Variants in XYLT1 observed in about 807,000 individuals in gnomAD.
XYLT1 encodes the protein xylosyltransferase 1, also known as beta-D-xylosyltransferase 1.
Under a neutral mutation model 91.3 loss-of-function variants are expected in XYLT1, and 36 were observed. The observed-to-expected ratio is 0.39, with a 90% confidence interval of 0.30 to 0.52. The LOEUF is 0.52. Ranked by LOEUF, XYLT1 falls within the 20% of genes least tolerant of loss-of-function variation. The probability of loss-of-function intolerance (pLI) is 0.68; values close to 1 mark genes in which losing one functional copy is unlikely to be tolerated. For synonymous variants in XYLT1, 588 were observed against 532.0 expected, an observed-to-expected ratio of 1.11 and a Z score of -1.45; for missense variants, 1,242 against 1,284.5, an observed-to-expected ratio of 0.97 and a Z score of 0.51.
At chr16:17,339,769 CA>C (rs1428088440) in intron 2 of XYLT1, among the ~76,000 whole-genome samples, 1 of 152,156 alleles carries the variant, frequency 6.6e-6, no homozygotes, top group Non-Finnish European at 1.5e-5. Flanking sequence ...GGTTAGTATA[CA>C]ATAGGAATTT....
chr16:17,133,899 G>GATGACATTATGGTGAATGTTTT (rs1229683857), intron 9 of XYLT1, among the ~76,000 whole-genome samples: 2 of 152,172 alleles, frequency 1.3e-5, no homozygotes, highest in Non-Finnish European at 2.9e-5. Context: ...TTTTAGGTGT[G>GATGACATTATGGTGAATGTTTT]ATGACATTAT....
rs779582063 is a variant in XYLT1, at chr16:17,141,374, G to A, written c.1371-5C>T. 1.5e-5 allele frequency: 24 copies of A among 1,613,276 alleles called. No homozygotes were observed. The Admixed American group carries it at 3.8e-4, about 26-fold the overall frequency. On this transcript the variant is annotated splice_region_variant and splice_polypyrimidine_tract_variant and intron_variant, in intron 6 of 11. Coordinates refer to ENST00000261381, the MANE Select transcript of XYLT1 (RefSeq NM_022166.4). ...AGGCCCTGCTTCCGAATGAACCTGG[G>A]AGGGAGAAAGCTGCCCTTAGCCCAG...
intron 1 of XYLT1, among the ~76,000 whole-genome samples, chr16:17,382,795 C>T (rs925218749): frequency 5.3e-5 from 8 of 151,896 alleles, no homozygotes; most frequent in African/African-American, 1.9e-4. Flanking sequence ...CTATCCCAGA[C>T]GTCTCGTGCA....
At chr16:17,382,795 C>A (rs925218749) in intron 1 of XYLT1, among the ~76,000 whole-genome samples, 1 of 151,896 alleles carries the variant, frequency 6.6e-6, no homozygotes, top group Admixed American at 6.6e-5. Context: ...CTATCCCAGA[C>A]GTCTCGTGCA....
chr16:17,357,200 C>A (rs933828220), intron 2 of XYLT1, among the ~76,000 whole-genome samples: 32 of 66,288 alleles, frequency 4.8e-4, no homozygotes, highest in Non-Finnish European at 5.8e-4. Context: ...AAAAAAAAAA[C>A]GCTACCACTC....
At chr16:17,470,060 CG>C (rs1298403115) in intron 1 of XYLT1, among the ~76,000 whole-genome samples, 6 of 152,042 alleles carry the variant, frequency 3.9e-5, no homozygotes, top group Non-Finnish European at 8.8e-5. Context: ...GCTGAGGATC[CG>C]GGGAGATCCA....
intron 1 of XYLT1, among the ~76,000 whole-genome samples, chr16:17,372,092 G>C (rs1330563704): frequency 2.6e-5 from 4 of 152,192 alleles, no homozygotes; most frequent in African/African-American, 9.6e-5. Flanking sequence ...TCCACTAAGA[G>C]TTTTACTTCT....
At chr16:17,419,900 C>T (rs917309132) in intron 1 of XYLT1, among the ~76,000 whole-genome samples, 2 of 152,140 alleles carry the variant, frequency 1.3e-5, no homozygotes, top group African/African-American at 4.8e-5. Flanking sequence ...ACCACTGGGT[C>T]ACTCATAGCA....
At chr16:17,191,741 C>T (rs1167104928) in intron 5 of XYLT1, among the ~76,000 whole-genome samples, 1 of 152,220 alleles carries the variant, frequency 6.6e-6, no homozygotes, top group Non-Finnish European at 1.5e-5. Flanking sequence ...CATGGAGCAG[C>T]TCTCTCATGT....
At chr16:17,167,998 C>T (rs904581030) in intron 5 of XYLT1, among the ~76,000 whole-genome samples, 1 of 152,210 alleles carries the variant, frequency 6.6e-6, no homozygotes, top group African/African-American at 2.4e-5. Flanking sequence ...TCTTCTCACC[C>T]ACTGGAAAAA....
In XYLT1 at chr16:17,470,584, G is replaced by C. The variant is rs999574381; in HGVS notation, c.213C>G (p.Pro71=). 2 of 1,191,966 alleles carry C rather than the reference G, an allele frequency of 1.7e-6. No individual in the cohort carries two copies. Among genetic ancestry groups the C allele is most frequent in the South Asian group, 8.3e-5 (2 of 24,010 alleles). 73.8% of individuals were successfully genotyped at this position (1,191,966 alleles called of 1,614,324 possible). The change falls in exon 1 of 12, where the codon CCC becomes CCG. Residue 71 remains proline (P), a synonymous_variant. Transcript: ENST00000261381. The part of the protein sequence containing the change: ...PAPRRERRDL[P]AEPAAARGGG... Reference sequence around the variant, plus strand: ...CTCCTCGGGCTGCAGCCGGCTCGGCGGGCAGGTCCCGGCGCTCCCGGCGCG... The same window carrying C: ...CTCCTCGGGCTGCAGCCGGCTCGGCCGGCAGGTCCCGGCGCTCCCGGCGCG...
intron 3 of XYLT1, among the ~76,000 whole-genome samples, chr16:17,203,817 C>A (rs1302820767): frequency 1.3e-5 from 2 of 152,258 alleles, no homozygotes; most frequent in Non-Finnish European, 2.9e-5. Flanking sequence ...CAAACACCAT[C>A]CATCCACTTA....
rs1386470837 is a variant in XYLT1 at position 17,200,552 on chromosome 16, G to A, written c.1016C>T (p.Ser339Phe). ...CTTGAACATGCGCTGCAACTGCCGAGAGGCACGGCCGTGGACCACCAGGAC... is the reference window on the plus strand; with the variant it reads ...CTTGAACATGCGCTGCAACTGCCGAAAGGCACGGCCGTGGACCACCAGGAC... ...AFVLVVHGRA[S>F]RQLQRMFKAI... Residue 339 changes from serine to phenylalanine, a missense_variant, in exon 4 of 12, where the codon TCT (serine) becomes TTT (phenylalanine). This residue lies in a region of XYLT1 where 294 missense variants were observed against 376.0 expected (regional missense o/e 0.78). Coordinates refer to ENST00000261381, the MANE Select transcript of XYLT1 (RefSeq NM_022166.4). The A allele has an allele frequency of 3.1e-6, 5 of 1,614,110 alleles. No homozygotes were observed. Among genetic ancestry groups the A allele is most frequent in the African/African-American group, 2.7e-5 (2 of 74,950 alleles).
intron 2 of XYLT1, among the ~76,000 whole-genome samples, chr16:17,266,901 A>C (rs1176266918): frequency 6.6e-6 from 1 of 152,236 alleles, no homozygotes; most frequent in African/African-American, 2.4e-5. Flanking sequence ...TGTACCAATT[A>C]GAACATGCAA....
chr16:17,262,098 C>G (rs529282477), intron 2 of XYLT1, among the ~76,000 whole-genome samples: 1 of 152,308 alleles, frequency 6.6e-6, no homozygotes, highest in Non-Finnish European at 1.5e-5. Flanking sequence ...CCAGGCACCA[C>G]AGTAAGTTAT....
intron 5 of XYLT1, among the ~76,000 whole-genome samples, chr16:17,176,644 G>C (rs1342583378): frequency 1.3e-5 from 2 of 152,204 alleles, no homozygotes; most frequent in African/African-American, 4.8e-5. Context: ...AGGAAACCCA[G>C]GGCCACGAAG....
At chr16:17,362,621 T>C (rs1270558956) in intron 1 of XYLT1, among the ~76,000 whole-genome samples, 1 of 152,194 alleles carries the variant, frequency 6.6e-6, no homozygotes, top group African/African-American at 2.4e-5. Context: ...TAACAAGCAA[T>C]TAAGCCCCAA....
At chr16:17,360,414 T>C (rs2035365645) in intron 1 of XYLT1, among the ~76,000 whole-genome samples, 1 of 152,202 alleles carries the variant, frequency 6.6e-6, no homozygotes, top group South Asian at 2.1e-4. Flanking sequence ...GCTCTCTATT[T>C]GATGTTCCAA....
In XYLT1 at chr16:17,460,822, G is replaced by A. The variant is rs537528970; in HGVS notation, c.363+9612C>T. 8.5e-5 allele frequency among the ~76,000 whole-genome samples: 13 copies of A among 152,216 alleles called. No individual in the cohort carries two copies. In the East Asian group the frequency reaches 1.2e-3, roughly 14 times the overall value. ...CAGGGCCTATTTATTCTAACACACC[G>A]TGTGGACAAAATCAAACCCACCCAC... On this transcript the variant is annotated intron_variant, in intron 1 of 11. Coordinates refer to ENST00000261381, the MANE Select transcript of XYLT1 (RefSeq NM_022166.4).
Sources: allele counts gnomAD v4.1 joint callset (sites outside exome capture counted in the v4.1 genomes callset), GRCh38; gene constraint gnomAD v4.1.1; regional missense constraint gnomAD v4.1.1; transcripts MANE v1.5; gene names NCBI Gene and HGNC (gene_info 2026-07-23, HGNC 2026-07-21).